SLC35F3: variants seen among roughly 807,000 people sequenced by gnomAD.
The protein encoded by SLC35F3 is putative thiamine transporter SLC35F3.
Under a neutral mutation model 49.9 loss-of-function variants are expected in SLC35F3, and 25 were observed. The observed-to-expected ratio is 0.50, with a 90% CI of 0.37 to 0.70. The LOEUF (loss-of-function observed/expected upper bound fraction) is 0.70. SLC35F3 is among the 30% of genes least tolerant of loss of function. SLC35F3 has a pLI of 0.00. For synonymous variants in SLC35F3, 275 were observed against 265.4 expected (o/e 1.04, Z -0.35); for missense variants, 525 against 639.8 (o/e 0.82, Z 1.94).
intron 2 of SLC35F3, among the ~76,000 whole-genome samples, chr1:234,116,189 G>C (rs985352424): frequency 6.6e-6 from 1 of 152,100 alleles, no homozygotes; most frequent in Admixed American, 6.6e-5. Context: ...ATCTGGCCTC[G>C]GTCTGTAGCT....
chr1:234,264,012 G>T (rs1667944700), intron 3 of SLC35F3, among the ~76,000 whole-genome samples: 1 of 152,170 alleles, frequency 6.6e-6, no homozygotes. Flanking sequence ...AGGAGGCTGA[G>T]GCAGGAGAAT....
intron 2 of SLC35F3, among the ~76,000 whole-genome samples, chr1:234,086,452 C>T (rs1225779314): frequency 6.6e-6 from 1 of 152,144 alleles, no homozygotes; most frequent in East Asian, 1.9e-4. Context: ...TGGAACATGT[C>T]TGTATTTTAA....
chr1:234,139,951 T>TAATAAAGTAAAATAA (rs1665868204), intron 2 of SLC35F3, among the ~76,000 whole-genome samples: 7 of 90,564 alleles, frequency 7.7e-5, no homozygotes, highest in African/African-American at 2.8e-4. Context: ...CATCTCAAAA[T>TAATAAAGTAAAATAA]AATAAAATAA....
chr1:233,933,172 G>A (rs1323247763), intron 2 of SLC35F3, among the ~76,000 whole-genome samples: 1 of 152,010 alleles, frequency 6.6e-6, no homozygotes, highest in Non-Finnish European at 1.5e-5. Flanking sequence ...GAATAGTGAA[G>A]CACAGTTGGT....
At chr1:234,165,310 C>G (rs1221873879) in intron 2 of SLC35F3, among the ~76,000 whole-genome samples, 1 of 152,058 alleles carries the variant, frequency 6.6e-6, no homozygotes, top group Non-Finnish European at 1.5e-5. Context: ...CTGTCATCAT[C>G]TGGTTTTATC....
At chr1:234,112,316 T>C (rs1665419330) in intron 2 of SLC35F3, among the ~76,000 whole-genome samples, 1 of 152,066 alleles carries the variant, frequency 6.6e-6, no homozygotes, top group African/African-American at 2.4e-5. Flanking sequence ...ATCACACCAC[T>C]GCACTCCAGC....
At chr1:234,157,902 T>C (rs1666176869) in intron 2 of SLC35F3, among the ~76,000 whole-genome samples, 1 of 152,230 alleles carries the variant, frequency 6.6e-6, no homozygotes, top group African/African-American at 2.4e-5. Context: ...TTTTTTCTTT[T>C]GGTACATACG....
At chr1:234,166,185 G>A (rs1468445784) in intron 2 of SLC35F3, among the ~76,000 whole-genome samples, 2 of 152,194 alleles carry the variant, frequency 1.3e-5, no homozygotes, top group South Asian at 4.2e-4. Flanking sequence ...TAGGTTCAGA[G>A]CAAATTGAGC....
rs869146212 is a variant in SLC35F3 at position 234,146,481 on chromosome 1, C to CTTTTTTT, written c.284-84918_284-84912dup. 2.5e-3 allele frequency among the ~76,000 whole-genome samples: 184 copies of CTTTTTTT among 74,042 alleles called. 22 individuals are homozygous for CTTTTTTT. Among genetic ancestry groups the CTTTTTTT allele is most frequent in the African/African-American group, 1.0e-2 (160 of 16,032 alleles). 48.6% of individuals were successfully genotyped at this position (74,042 alleles called of 152,430 possible). Reference sequence around the variant, plus strand: ...AATAAAAGTTACCAAGATATTTGCTCTTTTTTTTTTTTTTTTTTTTTTTTC... The same window carrying CTTTTTTT: ...AATAAAAGTTACCAAGATATTTGCTCTTTTTTTTTTTTTTTTTTTTTTTTTTTTTTTC... On this transcript the variant is annotated intron_variant, in intron 2 of 7. Coordinates refer to ENST00000366618, the MANE Select transcript of SLC35F3 (RefSeq NM_173508.4).
chr1:234,253,470 GAGAAT>G (rs1294510853), intron 3 of SLC35F3, among the ~76,000 whole-genome samples: 1 of 151,388 alleles, frequency 6.6e-6, no homozygotes, highest in Non-Finnish European at 1.5e-5. Flanking sequence ...AAAAAAAAAG[GAGAAT>G]AGATATTTGT....
At chr1:234,228,351 C>G (rs915561729) in intron 2 of SLC35F3, among the ~76,000 whole-genome samples, 2 of 152,232 alleles carry the variant, frequency 1.3e-5, no homozygotes, top group African/African-American at 4.8e-5. Flanking sequence ...ACTGGCCACG[C>G]TCTCTGCAGA....
intron 2 of SLC35F3, among the ~76,000 whole-genome samples, chr1:234,016,084 T>G (rs371555817): frequency 6.6e-5 from 10 of 152,056 alleles, no homozygotes; most frequent in African/African-American, 2.2e-4. Flanking sequence ...AAATGCAAAT[T>G]AAAACCACAG....
At chr1:234,118,879 T>A (rs1270373015) in intron 2 of SLC35F3, among the ~76,000 whole-genome samples, 2 of 146,222 alleles carry the variant, frequency 1.4e-5, no homozygotes, top group Non-Finnish European at 1.5e-5. Flanking sequence ...TTTCTTTTTT[T>A]CTTTTCTTTT....
At chr1:234,186,268 G>T (rs1238716213) in intron 2 of SLC35F3, among the ~76,000 whole-genome samples, 1 of 152,164 alleles carries the variant, frequency 6.6e-6, no homozygotes. Context: ...CCGCTCTGCT[G>T]AGTCAGACTC....
In SLC35F3 at chr1:234,316,742, T is replaced by C; in HGVS notation, c.954+15T>C. Reference sequence around the variant, plus strand: ...CCCTCTACAAGGTACGCCCGGGGAGTGAACTTTCTCAGCTGGCTGGGCTCT... The same window carrying C: ...CCCTCTACAAGGTACGCCCGGGGAGCGAACTTTCTCAGCTGGCTGGGCTCT... On this transcript the variant is annotated intron_variant, in intron 5 of 7. Transcript: ENST00000366618. The C allele has an allele frequency of 1.3e-6, 2 of 1,587,228 alleles. No homozygotes were observed. Among genetic ancestry groups the C allele is most frequent in the Non-Finnish European group, 8.6e-7 (1 of 1,158,758 alleles).
At chr1:234,118,561 A>G (rs1159776320) in intron 2 of SLC35F3, among the ~76,000 whole-genome samples, 2 of 152,156 alleles carry the variant, frequency 1.3e-5, no homozygotes, top group African/African-American at 2.4e-5. Flanking sequence ...AGGAAGAGGG[A>G]AGAGTGACAG....
At position 234,167,837 on chromosome 1, in the gene SLC35F3, C is replaced by T. The variant is rs1666341553; in HGVS notation, c.284-63580C>T. On this transcript the variant is annotated intron_variant, in intron 2 of 7. Coordinates refer to ENST00000366618, the MANE Select transcript of SLC35F3 (RefSeq NM_173508.4). The stretch of plus-strand genomic sequence containing the variant: ...GAGGTGCGCTGAGGCTAAATGGTTC[C>T]AGGTTCCCTAAGGGACCTGTCTTGC... 2.0e-5 allele frequency among the ~76,000 whole-genome samples: 3 copies of T among 152,248 alleles called. No individual in the cohort carries two copies. The South Asian group carries it at 6.2e-4, about 32-fold the overall frequency.
intron 2 of SLC35F3, among the ~76,000 whole-genome samples, chr1:234,217,970 G>A (rs925430643): frequency 3.9e-5 from 6 of 152,208 alleles, no homozygotes; most frequent in Non-Finnish European, 7.3e-5. Flanking sequence ...GAGGGGAGGA[G>A]AGGCAGTTTC....
At position 234,217,035 on chromosome 1, in the gene SLC35F3, C is replaced by T. The variant is rs190374820; in HGVS notation, c.284-14382C>T. On this transcript the variant is annotated intron_variant, in intron 2 of 7. Transcript: ENST00000366618. ...TTGGAAACCATTTGCATCTTATGTG[C>T]TGGTTTTGGAAGTGTTGAATCATTT... Among the ~76,000 whole-genome samples the T allele has an allele frequency of 2.6e-5, 4 of 152,242 alleles. No individual in the cohort carries two copies. In the East Asian group the frequency reaches 7.7e-4, roughly 29 times the overall value.
Sources: gnomAD v4.1 joint callset for allele counts (sites outside exome capture counted in the v4.1 genomes callset) on GRCh38, gnomAD v4.1.1 for gene constraint, MANE v1.5 for transcripts, NCBI Gene and HGNC (gene_info 2026-07-23, HGNC 2026-07-21) for gene names.